GHR: variants seen among roughly 807,000 people sequenced by gnomAD.
GHR encodes the protein GH receptor.
In GHR, 35 loss-of-function variants were observed where a neutral mutation model predicts 67.1. The observed-to-expected ratio is 0.52, with a 90% CI of 0.40 to 0.69. The LOEUF (loss-of-function observed/expected upper bound fraction) is 0.69, where lower values mean the gene tolerates loss of function less well. Ranked by LOEUF, GHR falls within the 30% of genes least tolerant of loss-of-function variation. The pLI, the probability that GHR is intolerant of heterozygous loss-of-function variation, is 0.00. For missense variants in GHR, 792 were observed against 764.6 expected (o/e 1.04, Z -0.42); for synonymous variants, 272 against 269.1 (o/e 1.01, Z -0.10).
At chr5:42,566,306 A>G (rs772610591) in intron 2 of GHR, among the ~76,000 whole-genome samples, 3 of 152,238 alleles carry the variant, frequency 2.0e-5, no homozygotes, top group Non-Finnish European at 4.4e-5. Flanking sequence ...CTCATCTGTG[A>G]CTAAGGATAT....
At chr5:42,689,522 G>C (rs1251465852) in intron 4 of GHR, among the ~76,000 whole-genome samples, 1 of 152,110 alleles carries the variant, frequency 6.6e-6, no homozygotes, top group Admixed American at 6.6e-5. Context: ...TCTCTATTGT[G>C]GTGTCCTAGA....
intron 6 of GHR, among the ~76,000 whole-genome samples, chr5:42,700,706 C>T (rs1364880915): frequency 6.6e-6 from 1 of 152,156 alleles, no homozygotes; most frequent in Non-Finnish European, 1.5e-5. Flanking sequence ...CAGCCACAGC[C>T]AAGCCAAGCA....
At chr5:42,483,196 C>T (rs532411653) in intron 1 of GHR, among the ~76,000 whole-genome samples, 238 of 152,242 alleles carry the variant, frequency 1.6e-3, no homozygotes, top group African/African-American at 5.1e-3. Context: ...GGACTACAGG[C>T]GTGTACCTCC....
At chr5:42,579,167 G>C (rs1457173615) in intron 2 of GHR, among the ~76,000 whole-genome samples, 1 of 142,876 alleles carries the variant, frequency 7.0e-6, no homozygotes, top group Non-Finnish European at 1.5e-5. Flanking sequence ...TAGATAGATA[G>C]ATAGATAGAT....
Position 42,509,942 on chromosome 5 carries a change from A to G in GHR, c.-11-55922A>G, listed in dbSNP as rs193080923. On this transcript the variant is annotated intron_variant, in intron 1 of 9. Coordinates refer to ENST00000230882, the MANE Select transcript of GHR (RefSeq NM_000163.5). ...TTTAAACAATGTCTGTACAATAAAA[A>G]CTTGAGAATTTATCTCCTCTGAATT... Among the ~76,000 whole-genome samples the G allele has an allele frequency of 2.1e-4, 32 of 152,244 alleles. No homozygotes were observed. In the East Asian group the frequency reaches 6.0e-3, roughly 28 times the overall value.
At chr5:42,701,339 A>C (rs1757917659) in intron 6 of GHR, among the ~76,000 whole-genome samples, 1 of 152,156 alleles carries the variant, frequency 6.6e-6, no homozygotes, top group South Asian at 2.1e-4. Flanking sequence ...AAAAATTGTT[A>C]ATTTTACTAA....
intron 3 of GHR, among the ~76,000 whole-genome samples, chr5:42,663,209 A>G (rs547526955): frequency 3.9e-5 from 6 of 152,340 alleles, no homozygotes; most frequent in African/African-American, 1.4e-4. Flanking sequence ...ATTCCAATCA[A>G]TAGAAAAAGA....
intron 3 of GHR, among the ~76,000 whole-genome samples, chr5:42,671,398 T>A (rs1273964945): frequency 6.6e-6 from 1 of 151,902 alleles, no homozygotes; most frequent in African/African-American, 2.4e-5. Flanking sequence ...CCCACCCCCA[T>A]GATTCAAACA....
chr5:42,455,032 T>A (rs531832997), intron 1 of GHR, among the ~76,000 whole-genome samples: 5 of 152,238 alleles, frequency 3.3e-5, no homozygotes, highest in African/African-American at 1.2e-4. Flanking sequence ...CTTCCCTGGG[T>A]TTGAGCTGGA....
intron 2 of GHR, 82 bp from the exon 3 acceptor site, chr5:42,628,956 G>C: frequency 1.2e-6 from 1 of 840,962 alleles, no homozygotes; most frequent in South Asian, 1.4e-5. Flanking sequence ...GGAAGCTGAG[G>C]ATTTTGTTTT....
chr5:42,676,615 A>G (rs1756586471), intron 3 of GHR, among the ~76,000 whole-genome samples: 1 of 152,198 alleles, frequency 6.6e-6, no homozygotes, highest in Admixed American at 6.5e-5. Context: ...AGTCTTTTTC[A>G]GATGGCCTCT....
intron 3 of GHR, among the ~76,000 whole-genome samples, chr5:42,659,937 C>T (rs1025246595): frequency 2.1e-4 from 32 of 152,224 alleles, no homozygotes; most frequent in East Asian, 1.2e-3. Context: ...GCTTAAAAAA[C>T]GGCGCACCAG....
chr5:42,570,970 G>A (rs1750270952), intron 2 of GHR, among the ~76,000 whole-genome samples: 1 of 152,090 alleles, frequency 6.6e-6, no homozygotes, highest in African/African-American at 2.4e-5. Flanking sequence ...CACAAACACG[G>A]GGATGTTAAG....
rs6880128 is a variant in GHR at position 42,611,783 on chromosome 5, A to G, written c.71-17255A>G. On this transcript the variant is annotated intron_variant, in intron 2 of 9. Coordinates refer to ENST00000230882, the MANE Select transcript of GHR (RefSeq NM_000163.5). ...GATAAAGGGAATGTAGTTACTAAGG[A>G]CTTAAGTCCTGCAGGTACCAGTTCC... Among the ~76,000 whole-genome samples the G allele has an allele frequency of 2.6e-3, 397 of 152,276 alleles. 2 individuals are homozygous for G. The highest frequency in any genetic ancestry group is 9.3e-3 in the African/African-American group (386 of 41,562).
chr5:42,579,957 G>C (rs1751068798), intron 2 of GHR, among the ~76,000 whole-genome samples: 1 of 151,780 alleles, frequency 6.6e-6, no homozygotes, highest in African/African-American at 2.4e-5. Context: ...GACAGGTGGG[G>C]ATCTATTGGT....
rs149877539 is a variant in GHR at position 42,640,041 on chromosome 5, A to G, written c.136+10938A>G. 2.1e-3 allele frequency among the ~76,000 whole-genome samples: 314 copies of G among 152,294 alleles called. 3 individuals carry two copies. Among genetic ancestry groups the G allele is most frequent in the African/African-American group, 7.1e-3 (297 of 41,552 alleles). ...TTCCTCAACACTAATACTGACACAG[A>G]TAAGTAACCTAACTGCCTTCTCAAA... On this transcript the variant is annotated intron_variant, in intron 3 of 9. Transcript: ENST00000230882.
intron 3 of GHR, chr5:42,659,438 C>T (rs1208667080): frequency 6.6e-6 from 1 of 152,170 alleles, no homozygotes; most frequent in Non-Finnish European, 1.5e-5. Flanking sequence ...AAGTTTCCCA[C>T]TGAGGGGCCC....
chr5:42,572,663 C>T (rs147045877), intron 2 of GHR, among the ~76,000 whole-genome samples: 64 of 152,310 alleles, frequency 4.2e-4, no homozygotes, highest in African/African-American at 1.5e-3. Flanking sequence ...CACAGTGTTT[C>T]ATCAGGTACA....
intron 3 of GHR, among the ~76,000 whole-genome samples, chr5:42,665,396 AC>A (rs1298715216): frequency 6.6e-6 from 1 of 152,178 alleles, no homozygotes; most frequent in Non-Finnish European, 1.5e-5. Context: ...GCACATATAC[AC>A]CACGGAATAC....
Sources: allele counts gnomAD v4.1 joint callset (sites outside exome capture counted in the v4.1 genomes callset), GRCh38; gene constraint gnomAD v4.1.1; transcripts MANE v1.5; gene names NCBI Gene and HGNC (gene_info 2026-07-23, HGNC 2026-07-21).